Variants in KIF1A observed in about 807,000 individuals in gnomAD.
KIF1A encodes kinesin-like protein KIF1A.
A neutral mutation model predicts 227.3 loss-of-function variants in KIF1A; 46 were observed. That is an observed-to-expected ratio of 0.20 (90% CI 0.16 to 0.26). The LOEUF (loss-of-function observed/expected upper bound fraction) is 0.26. Among genes scored for constraint, KIF1A ranks in the 10% least tolerant of loss-of-function variants. The probability of loss-of-function intolerance (pLI) is 1.00; values close to 1 mark genes in which losing one functional copy is unlikely to be tolerated. For synonymous variants in KIF1A, 1,022 were observed against 1,012.8 expected (o/e 1.01, Z -0.17); for missense variants, 1,683 against 2,485.9 (o/e 0.68, Z 6.87).
chr2:240,808,825 C>T (rs561836551), intron 1 of KIF1A, among the ~76,000 whole-genome samples: 4 of 151,894 alleles, frequency 2.6e-5, no homozygotes, highest in African/African-American at 4.8e-5. Flanking sequence ...CCGCCTCCTG[C>T]GTTCAAGTGA....
At chr2:240,756,688 T>C (rs2049882871) in intron 27 of KIF1A, among the ~76,000 whole-genome samples, 1 of 152,192 alleles carries the variant, frequency 6.6e-6, no homozygotes, top group African/African-American at 2.4e-5. Flanking sequence ...CAGAGGGAGA[T>C]GGGAGGGTTA....
chr2:240,820,613 G>T (rs1408968559), upstream of KIF1A, among the ~76,000 whole-genome samples: 1 of 149,632 alleles, frequency 6.7e-6, no homozygotes, highest in East Asian at 2.0e-4. The surrounding 1 kb of genome is among the most constrained non-coding windows in gnomAD (Gnocchi z 6.2). Context: ...CCTTTCGAGT[G>T]AAATCGTAAA....
Position 240,714,528 on chromosome 2 carries a change from GTC to G in KIF1A, c.*2834_*2835del, listed in dbSNP as rs1035271818. On this transcript the variant is annotated 3_prime_UTR_variant, in exon 49 of 49. Coordinates refer to ENST00000498729, the MANE Select transcript of KIF1A (RefSeq NM_001244008.2). ...CTGAGGGAGACGGCTTTCCAGATCT[GTC>G]TCACCTCCCCCACTTAGCAGGAAGC... The G allele has an allele frequency of 3.3e-5, 5 of 152,286 alleles. No homozygotes were observed. The highest frequency in any genetic ancestry group is 1.2e-4 in the African/African-American group (5 of 41,396). 9.4% of individuals were successfully genotyped at this position (152,286 alleles called of 1,614,324 possible). A position where few individuals can be genotyped will look rare whatever the true frequency, so the allele number is the denominator to read the frequency against.
chr2:240,784,102 C>G (rs1406770198), intron 7 of KIF1A, among the ~76,000 whole-genome samples: 5 of 152,338 alleles, frequency 3.3e-5, no homozygotes, highest in African/African-American at 7.2e-5. Context: ...AGGGCGTACT[C>G]GCTCCCTATG....
At chr2:240,747,349 G>A (rs2048723282) in intron 28 of KIF1A, 28 bp from the exon 29 acceptor site, 2 of 1,594,460 alleles carry the variant, frequency 1.3e-6, no homozygotes, top group Non-Finnish European at 1.7e-6. Flanking sequence ...CAAATGGTTG[G>A]AGCCCAGCTT....
chr2:240,763,476 CCTT>C lies in KIF1A; in HGVS notation c.1769-133_1769-131del, dbSNP rs1267515978. On this transcript the variant is annotated intron_variant, in intron 20 of 48. Coordinates refer to ENST00000498729, the MANE Select transcript of KIF1A (RefSeq NM_001244008.2). The stretch of plus-strand genomic sequence containing the variant: ...CCACCATCCCCAGCTCCCAGCCACT[CCTT>C]CTTCAGCCCTCGCTGGGACCTGAAT... 70 of 832,430 alleles carry C rather than the reference CCTT, an allele frequency of 8.4e-5. No individual in the cohort carries two copies. The South Asian group carries it at 1.1e-3, about 13-fold the overall frequency. 51.6% of individuals were successfully genotyped at this position (832,430 alleles called of 1,614,324 possible).
chr2:240,747,310 C>T lies in KIF1A; in HGVS notation c.2989G>A (p.Ala997Thr). The T allele has an allele frequency of 6.2e-7, 1 of 1,613,112 alleles. No homozygotes were observed. The highest frequency in any genetic ancestry group is 8.5e-7 in the Non-Finnish European group (1 of 1,179,396). ...CGGACGCCAGAGCCATAATCAGGGG[C>T]CTCTTCATCGGCTGCAGGAGAAACA... The part of the protein sequence containing the change: ...AVQAISADEE[A>T]PDYGSGVRQS... Residue 997 changes from alanine (A) to threonine (T), a missense_variant, in exon 29 of 49, where the codon GCC becomes ACC. By Grantham distance (58) the Ala-to-Thr change is moderately conservative (BLOSUM62 0). This residue lies in a region of KIF1A where 759 missense variants were observed against 1,020.2 expected (regional missense o/e 0.74). Coordinates refer to ENST00000498729, the MANE Select transcript of KIF1A (RefSeq NM_001244008.2).
At chr2:240,730,709 C>T (rs2046504969) in intron 38 of KIF1A, among the ~76,000 whole-genome samples, 1 of 152,230 alleles carries the variant, frequency 6.6e-6, no homozygotes, top group Admixed American at 6.5e-5. Flanking sequence ...TGAACCCCGA[C>T]CTCAGGGATA....
chr2:240,774,725 C>T (rs1424179848), intron 11 of KIF1A, among the ~76,000 whole-genome samples: 2 of 152,072 alleles, frequency 1.3e-5, no homozygotes, highest in Admixed American at 6.5e-5. Context: ...TCAGGTAATG[C>T]GTGGCATGAG....
intron 32 of KIF1A, among the ~76,000 whole-genome samples, chr2:240,744,418 T>G (rs1480556773): frequency 6.6e-6 from 1 of 152,240 alleles, no homozygotes; most frequent in Non-Finnish European, 1.5e-5. Context: ...AGTTATGGGT[T>G]GGACCATGTC....
At chr2:240,742,334 CTA>C (rs374577696) in intron 34 of KIF1A, among the ~76,000 whole-genome samples, 26 of 152,276 alleles carry the variant, frequency 1.7e-4, no homozygotes, top group African/African-American at 6.3e-4. Context: ...GGTTTCTGGG[CTA>C]TGAGAGACTC....
In KIF1A at chr2:240,783,249, G is replaced by A. The variant is rs537998501; in HGVS notation, c.799-140C>T. On this transcript the variant is annotated intron_variant, in intron 8 of 48. Transcript: ENST00000498729. ...TGCTGATCTCTGGGGCCACTTGGGC[G>A]TGGGGTGCCCTGGCAGAAAGCCAGC... 8.5e-5 allele frequency: 63 copies of A among 737,852 alleles called. No individual in the cohort carries two copies. The East Asian group carries it at 1.3e-3, about 15-fold the overall frequency. 45.7% of individuals were successfully genotyped at this position (737,852 alleles called of 1,614,324 possible).
At chr2:240,765,559 G>C in intron 20 of KIF1A, 151 bp downstream of exon 20, 1 of 652,766 alleles carries the variant, frequency 1.5e-6, no homozygotes, top group South Asian at 1.8e-5. Flanking sequence ...GAGCTGCTTG[G>C]ATACCCGCAG....
At position 240,740,358 on chromosome 2, in the gene KIF1A, G is replaced by A. The variant is rs2125746153; in HGVS notation, c.3756C>T (p.Ile1252=). 1 of 1,613,526 alleles carries A rather than the reference G, an allele frequency of 6.2e-7. No individual in the cohort carries two copies. Among genetic ancestry groups the A allele is most frequent in the Non-Finnish European group, 8.5e-7 (1 of 1,179,638 alleles). The change falls in exon 36 of 49, where the codon ATC becomes ATT. Residue 1252 remains isoleucine, a synonymous_variant. Coordinates refer to ENST00000498729, the MANE Select transcript of KIF1A (RefSeq NM_001244008.2). The surrounding 1 kb of genome is among the most constrained non-coding windows in gnomAD (Gnocchi z 6.1). ...ICELEANGDY[I]PAVVDHRGGM... is the part of the protein sequence containing the mutation. ...CCCCACGGTGGTCCACCACGGCCGGGATGTAACTGGAAGAGAGAGACACAT... is the reference window on the plus strand; with the variant it reads ...CCCCACGGTGGTCCACCACGGCCGGAATGTAACTGGAAGAGAGAGACACAT...
chr2:240,728,695 G>A (rs1002376341), intron 38 of KIF1A, among the ~76,000 whole-genome samples: 1 of 152,194 alleles, frequency 6.6e-6, no homozygotes, highest in Non-Finnish European at 1.5e-5. Context: ...CCAGGACAAA[G>A]GCCTGGAGGG....
At chr2:240,750,197 CT>C (rs2049050144) in intron 28 of KIF1A, among the ~76,000 whole-genome samples, 1 of 152,230 alleles carries the variant, frequency 6.6e-6, no homozygotes, top group East Asian at 1.9e-4. Context: ...GCAGCAGGGG[CT>C]TCCCCTCCAG....
At chr2:240,745,050 C>A (rs759906109) in intron 32 of KIF1A, among the ~76,000 whole-genome samples, 15 of 152,122 alleles carry the variant, frequency 9.9e-5, no homozygotes, top group Non-Finnish European at 1.6e-4. Flanking sequence ...ACGTTGCCGG[C>A]ACCCTGTAGC....
intron 8 of KIF1A, 71 bp from the exon 9 acceptor site, chr2:240,783,180 C>T: frequency 7.6e-6 from 9 of 1,185,550 alleles, no homozygotes; most frequent in Non-Finnish European, 1.0e-5. Context: ...GAGGGATGCC[C>T]TGGGTGGACC....
intron 1 of KIF1A, chr2:240,798,110 C>A: frequency 4.6e-6 from 1 of 216,634 alleles, no homozygotes; most frequent in South Asian, 8.9e-5. Flanking sequence ...CCACGGCAAA[C>A]CCCCCAGGAA....
Sources: gnomAD v4.1 joint callset for allele counts (sites outside exome capture counted in the v4.1 genomes callset) on GRCh38, gnomAD v4.1.1 for gene constraint, gnomAD v4.1.1 regional missense constraint, Gnocchi (gnomAD v3.1) non-coding constraint, MANE v1.5 for transcripts, NCBI Gene and HGNC (gene_info 2026-07-23, HGNC 2026-07-21) for gene names.